Variants in TP63 observed in about 807,000 individuals in gnomAD.
TP63 encodes tumor protein p63, also known as tumor protein 63.
In TP63, 17 loss-of-function variants were observed where a neutral mutation model predicts 82.8. The ratio of observed to expected loss-of-function variants is 0.21; its 90% CI spans 0.14 to 0.31. The LOEUF (loss-of-function observed/expected upper bound fraction) is 0.31. Among genes scored for constraint, TP63 ranks in the 10% least tolerant of loss-of-function variants. TP63 has a pLI of 1.00. For missense variants in TP63, 648 were observed against 895.3 expected, an observed-to-expected ratio of 0.72 and a Z score of 3.52; for synonymous variants, 330 against 321.7, an observed-to-expected ratio of 1.03 and a Z score of -0.28.
chr3:189,664,055 T>C (rs1228160452), intron 1 of TP63, among the ~76,000 whole-genome samples: 1 of 152,066 alleles, frequency 6.6e-6, no homozygotes, highest in Non-Finnish European at 1.5e-5. Flanking sequence ...AAAAAGTACA[T>C]TACTTATCCA....
upstream of TP63, chr3:189,631,247 A>G (rs1729440306): frequency 2.0e-6 from 2 of 985,278 alleles, no homozygotes; most frequent in South Asian, 9.4e-5. Context: ...GAGAGGGGGA[A>G]GAACAACAGT....
intron 5 of TP63, 49 bp downstream of exon 5, chr3:189,864,467 A>AT (rs1425234531): frequency 2.7e-6 from 4 of 1,507,608 alleles, no homozygotes; most frequent in African/African-American, 1.4e-5. Flanking sequence ...GAAGGTCAAG[A>AT]TTCTGTGGGC....
chr3:189,856,902 A>G (rs998018440), intron 4 of TP63, among the ~76,000 whole-genome samples: 3 of 152,110 alleles, frequency 2.0e-5, no homozygotes, highest in African/African-American at 7.2e-5. Flanking sequence ...GAGATATCAT[A>G]TGCTCATGGT....
intron 10 of TP63, among the ~76,000 whole-genome samples, chr3:189,884,918 AAGAC>A (rs201267354): frequency 0.011 from 1,656 of 152,320 alleles, 33 homozygotes; most frequent in African/African-American, 0.038. Context: ...GGCAGCTTCG[AAGAC>A]CATCCCTACG....
intron 10 of TP63, among the ~76,000 whole-genome samples, chr3:189,877,067 A>T (rs1319550288): frequency 6.6e-6 from 1 of 152,262 alleles, no homozygotes; most frequent in East Asian, 1.9e-4. Context: ...TCATTTGTGC[A>T]TGGTTTTTCT....
intron 1 of TP63, among the ~76,000 whole-genome samples, chr3:189,692,993 G>A (rs990322528): frequency 7.9e-5 from 12 of 152,064 alleles, no homozygotes; most frequent in African/African-American, 2.2e-4. Flanking sequence ...TTTAGAAAAG[G>A]GTACATCTGA....
At chr3:189,686,415 G>T (rs1716442505) in intron 1 of TP63, among the ~76,000 whole-genome samples, 1 of 152,196 alleles carries the variant, frequency 6.6e-6, no homozygotes, top group South Asian at 2.1e-4. Context: ...GCAATTCAAA[G>T]AAACTAAGAT....
intron 3 of TP63, among the ~76,000 whole-genome samples, chr3:189,770,632 G>A (rs1459024615): frequency 1.3e-5 from 2 of 151,778 alleles, no homozygotes; most frequent in Admixed American, 6.6e-5. Context: ...AACAATTTAC[G>A]CCTTTGGGGA....
chr3:189,676,942 G>A (rs1019830219), intron 1 of TP63, among the ~76,000 whole-genome samples: 1 of 151,946 alleles, frequency 6.6e-6, no homozygotes, highest in Non-Finnish European at 1.5e-5. Flanking sequence ...GGTATACATT[G>A]TACACATTAA....
At chr3:189,830,766 AAAAAT>A (rs1404112595) in intron 4 of TP63, among the ~76,000 whole-genome samples, 15 of 152,240 alleles carry the variant, frequency 9.9e-5, no homozygotes, top group African/African-American at 3.6e-4. Flanking sequence ...TGACGCAAGA[AAAAAT>A]AAAGATACTA....
intron 4 of TP63, among the ~76,000 whole-genome samples, chr3:189,834,523 A>C (rs924508364): frequency 6.6e-6 from 1 of 152,160 alleles, no homozygotes; most frequent in Non-Finnish European, 1.5e-5. Context: ...TCCATTAGGA[A>C]TTTCTACCAA....
intron 3 of TP63, among the ~76,000 whole-genome samples, chr3:189,795,126 T>G (rs1209288131): frequency 6.6e-6 from 1 of 152,076 alleles, no homozygotes; most frequent in East Asian, 1.9e-4. Flanking sequence ...TTTATTTCAT[T>G]CTCTTCCACA....
intron 1 of TP63, among the ~76,000 whole-genome samples, chr3:189,638,976 G>T (rs1472072905): frequency 2.6e-5 from 4 of 152,128 alleles, no homozygotes; most frequent in Non-Finnish European, 5.9e-5. Context: ...AGAGATGCAT[G>T]CTCCCAAAGA....
intron 4 of TP63, among the ~76,000 whole-genome samples, chr3:189,835,719 C>T (rs1055484951): frequency 6.6e-6 from 1 of 151,714 alleles, no homozygotes; most frequent in Non-Finnish European, 1.5e-5. Context: ...TCGAGAACAG[C>T]CTGGCCAACA....
intron 1 of TP63, among the ~76,000 whole-genome samples, chr3:189,703,501 G>A (rs140508288): frequency 1.0e-3 from 153 of 148,856 alleles, no homozygotes; most frequent in African/African-American, 2.8e-3. Flanking sequence ...GACCCAATCC[G>A]TAGGTCTTCC....
chr3:189,701,376 G>A (rs1418797452), intron 1 of TP63, among the ~76,000 whole-genome samples: 1 of 151,932 alleles, frequency 6.6e-6, no homozygotes, highest in Non-Finnish European at 1.5e-5. Flanking sequence ...CCAGAGAAGG[G>A]ATTACAGTAG....
At chr3:189,874,981 C>CTTTTTTTTTTTTTTTTTTTTT (rs200117233) in intron 10 of TP63, among the ~76,000 whole-genome samples, 1 of 114,266 alleles carries the variant, frequency 8.8e-6, no homozygotes, top group Admixed American at 9.0e-5. Flanking sequence ...TCTTTCCTGT[C>CTTTTTTTTTTTTTTTTTTTTT]TTTTTTTTTT....
In TP63 at chr3:189,886,438, C is replaced by T. The variant is rs775037738; in HGVS notation, c.1394C>T (p.Pro465Leu). The change falls in exon 11 of 14, where the codon CCT becomes CTT. Residue 465 changes from proline to leucine, a missense_variant. Around this residue, in one of 5 missense-constraint regions of TP63, gnomAD observed 342 missense variants for 425.7 expected, o/e 0.80. Coordinates refer to ENST00000264731, the MANE Select transcript of TP63 (RefSeq NM_003722.5). ...TCTTCATATGGTAACAGCTCCCCAC[C>T]TCTGAACAAAATGAACAGCATGAAC... ...SPSSYGNSSPPLNKMNSMNKL... is the reference protein window; with the variant it reads ...SPSSYGNSSPLLNKMNSMNKL... 13 of 1,613,998 alleles carry T rather than the reference C, an allele frequency of 8.1e-6. No homozygotes were observed. The highest frequency in any genetic ancestry group is 1.1e-5 in the Non-Finnish European group (13 of 1,180,020).
chr3:189,856,075 A>T (rs1355308894), intron 4 of TP63, among the ~76,000 whole-genome samples: 2 of 151,866 alleles, frequency 1.3e-5, no homozygotes, highest in African/African-American at 4.8e-5. Context: ...TTTTTCAGGT[A>T]TAAAATCAAC....
Sources: allele counts gnomAD v4.1 joint callset (sites outside exome capture counted in the v4.1 genomes callset), GRCh38; gene constraint gnomAD v4.1.1; regional missense constraint gnomAD v4.1.1; transcripts MANE v1.5; gene names NCBI Gene and HGNC (gene_info 2026-07-23, HGNC 2026-07-21).